Variants in GPC5 observed in about 807,000 individuals in gnomAD.
GPC5 encodes glypican 5.
Under a neutral mutation model 53.9 loss-of-function variants are expected in GPC5, and 47 were observed. The ratio of observed to expected loss-of-function variants is 0.87; its 90% CI spans 0.69 to 1.11. The LOEUF (loss-of-function observed/expected upper bound fraction) is 1.11, where lower values mean the gene tolerates loss of function less well. GPC5 is among the 50% of genes most tolerant of loss of function. GPC5 has a pLI of 0.00. For missense variants in GPC5, 748 were observed against 713.1 expected (o/e 1.05, Z -0.56); for synonymous variants, 286 against 263.3 (o/e 1.09, Z -0.84).
intron 4 of GPC5, among the ~76,000 whole-genome samples, chr13:91,755,076 G>A (rs1174378572): frequency 6.6e-6 from 1 of 151,876 alleles, no homozygotes; most frequent in Non-Finnish European, 1.5e-5. Flanking sequence ...TTTAAAAACC[G>A]ATAGGTTTGT....
At chr13:91,739,932 T>A (rs557947381) in intron 4 of GPC5, among the ~76,000 whole-genome samples, 3 of 151,402 alleles carry the variant, frequency 2.0e-5, no homozygotes, top group Non-Finnish European at 2.9e-5. Flanking sequence ...TACCTCAGGC[T>A]CTTGGCAGCA....
At chr13:92,411,859 A>T (rs1387400146) in intron 7 of GPC5, among the ~76,000 whole-genome samples, 1 of 150,066 alleles carries the variant, frequency 6.7e-6, no homozygotes, top group Non-Finnish European at 1.5e-5. Context: ...ATGTGTATTT[A>T]TGTCCATTTA....
At chr13:91,796,242 A>G (rs2038044379) in intron 5 of GPC5, among the ~76,000 whole-genome samples, 1 of 152,212 alleles carries the variant, frequency 6.6e-6, no homozygotes. Context: ...TTAGCTGCAC[A>G]GGAACAATGG....
intron 7 of GPC5, among the ~76,000 whole-genome samples, chr13:92,521,824 A>G (rs1220332106): frequency 1.3e-5 from 2 of 152,192 alleles, no homozygotes; most frequent in African/African-American, 2.4e-5. Context: ...AGAAACTACC[A>G]TCAGAGTGAA....
chr13:92,336,028 T>TATACTCCAAACAAAATAA (rs2043320707), intron 7 of GPC5, among the ~76,000 whole-genome samples: 1 of 152,190 alleles, frequency 6.6e-6, no homozygotes, highest in African/African-American at 2.4e-5. Flanking sequence ...CAGCTAGCAG[T>TATACTCCAAACAAAATAA]GGGCAATTTG....
chr13:92,527,247 AAGAGAAAGAAAG>A lies in GPC5; in HGVS notation c.1562-339033_1562-339022del, dbSNP rs1203523220. Among the ~76,000 whole-genome samples the A allele has an allele frequency of 3.0e-3, 86 of 28,844 alleles. 5 individuals are homozygous for A. Among genetic ancestry groups the A allele is most frequent in the Middle Eastern group, 0.025 (1 of 40 alleles). The allele number at this position is 28,844 out of a possible 152,430, so 18.9% of individuals were successfully genotyped here. A position where few individuals can be genotyped will look rare whatever the true frequency, so the allele number is the denominator to read the frequency against. On this transcript the variant is annotated intron_variant, in intron 7 of 7. Transcript: ENST00000377067. ...AAAGAAAGAAAGAAAGAAAGAAAGA[AAGAGAAAGAAAG>A]AAAGAAAGAAAGAAAGAAAGAAAAA...
At chr13:92,422,383 T>C (rs1348034487) in intron 7 of GPC5, among the ~76,000 whole-genome samples, 1 of 152,080 alleles carries the variant, frequency 6.6e-6, no homozygotes, top group Non-Finnish European at 1.5e-5. Context: ...CTGAGGGTTC[T>C]GTGGCTCAGC....
rs534217243 is a variant in GPC5 at position 92,449,926 on chromosome 13, A to G, written c.1561+304937A>G. Among the ~76,000 whole-genome samples the G allele has an allele frequency of 3.3e-5, 5 of 152,156 alleles. No individual in the cohort carries two copies. The South Asian group carries it at 1.0e-3, about 32-fold the overall frequency. On this transcript the variant is annotated intron_variant, in intron 7 of 7. Transcript: ENST00000377067. ...TAATAAATTAAAAAGCACGGCCCCA[A>G]AGAACTTTCTTTCAACCCTTTAAAA...
At chr13:91,821,861 A>G (rs898503176) in intron 5 of GPC5, among the ~76,000 whole-genome samples, 5 of 152,168 alleles carry the variant, frequency 3.3e-5, no homozygotes, top group African/African-American at 1.2e-4. Context: ...CTATGAATAG[A>G]ATCTGGCTTG....
intron 5 of GPC5, among the ~76,000 whole-genome samples, chr13:91,840,936 G>C (rs970585616): frequency 4.6e-5 from 7 of 151,898 alleles, no homozygotes; most frequent in Admixed American, 2.0e-4. Context: ...TTAGTATACT[G>C]TCTTTCATCT....
At chr13:91,646,945 CTTTAT>C (rs1193606031) in intron 2 of GPC5, among the ~76,000 whole-genome samples, 5 of 152,064 alleles carry the variant, frequency 3.3e-5, no homozygotes, top group African/African-American at 1.2e-4. Context: ...AAAATATTAA[CTTTAT>C]TTTAATCTTT....
chr13:91,424,115 G>C lies in GPC5; in HGVS notation c.164-24646G>C, dbSNP rs78225319. Among the ~76,000 whole-genome samples, 405 of 152,220 alleles carry C rather than the reference G, an allele frequency of 2.7e-3. 1 individual carries two copies. The highest frequency in any genetic ancestry group is 9.1e-3 in the African/African-American group (380 of 41,564). ...GATTCTAAATCATAAATCTGATGTT[G>C]AATTTCTGGAGGTAATCAGGAAGTG... On this transcript the variant is annotated intron_variant, in intron 1 of 7. Transcript: ENST00000377067.
At chr13:91,500,461 A>G (rs1051842816) in intron 2 of GPC5, among the ~76,000 whole-genome samples, 2 of 152,188 alleles carry the variant, frequency 1.3e-5, no homozygotes, top group East Asian at 3.8e-4. Flanking sequence ...GAGGATTCCC[A>G]TGCAAGGAAA....
chr13:91,751,203 C>T (rs1192101546), intron 4 of GPC5, among the ~76,000 whole-genome samples: 2 of 152,172 alleles, frequency 1.3e-5, no homozygotes, highest in East Asian at 1.9e-4. Flanking sequence ...CAAAACCCAT[C>T]TTAATAATAA....
At chr13:92,072,557 C>A (rs1016199590) in intron 6 of GPC5, among the ~76,000 whole-genome samples, 1 of 137,216 alleles carries the variant, frequency 7.3e-6, no homozygotes, top group South Asian at 2.4e-4. Context: ...AGCCACTGTG[C>A]CTGGCCACTA....
At chr13:92,363,232 C>T (rs865777268) in intron 7 of GPC5, among the ~76,000 whole-genome samples, 2 of 151,666 alleles carry the variant, frequency 1.3e-5, no homozygotes, top group South Asian at 4.2e-4. Flanking sequence ...TTGTTTCCAC[C>T]AGCTAGAGTA....
intron 5 of GPC5, among the ~76,000 whole-genome samples, chr13:91,840,746 ATT>A (rs77227820): frequency 2.1e-4 from 32 of 148,884 alleles, no homozygotes; most frequent in Admixed American, 4.0e-4. Context: ...TCCTATTTTT[ATT>A]TTTTTTTTTT....
chr13:92,546,938 A>G (rs2139009917), intron 7 of GPC5, among the ~76,000 whole-genome samples: 1 of 152,292 alleles, frequency 6.6e-6, no homozygotes, highest in African/African-American at 2.4e-5. Flanking sequence ...TATTTAATAA[A>G]TGGTGCTGGG....
chr13:92,398,918 T>A (rs1255184734), intron 7 of GPC5, among the ~76,000 whole-genome samples: 2 of 152,126 alleles, frequency 1.3e-5, no homozygotes, highest in Non-Finnish European at 2.9e-5. Flanking sequence ...CACCTTTCCA[T>A]CCTAACCTAG....
Sources: allele counts gnomAD v4.1 joint callset (sites outside exome capture counted in the v4.1 genomes callset), GRCh38; gene constraint gnomAD v4.1.1; transcripts MANE v1.5; gene names NCBI Gene and HGNC (gene_info 2026-07-23, HGNC 2026-07-21).